The following ADGRF1 variants were observed in gnomAD, a reference collection of about 807,000 sequenced individuals.
ADGRF1 encodes adhesion G protein-coupled receptor F1, also known as G protein-coupled receptor 110.
Under a neutral mutation model 87.2 loss-of-function variants are expected in ADGRF1, and 85 were observed. The observed-to-expected ratio is 0.97, with a 90% CI of 0.82 to 1.17. ADGRF1 has a LOEUF of 1.17. ADGRF1 is among the 50% of genes most tolerant of loss of function. The pLI is 0.00. For missense variants in ADGRF1, 1,169 were observed against 1,077.2 expected (o/e 1.09, Z -1.19); for synonymous variants, 430 against 408.8 (o/e 1.05, Z -0.63).
At chr6:47,032,588 T>G (rs1284697386) in intron 1 of ADGRF1, among the ~76,000 whole-genome samples, 1 of 152,214 alleles carries the variant, frequency 6.6e-6, no homozygotes, top group Non-Finnish European at 1.5e-5. Flanking sequence ...GTTCCCAGCT[T>G]TGACATTTAT....
chr6:47,038,081 G>A (rs1453791053), intron 1 of ADGRF1, among the ~76,000 whole-genome samples: 2 of 152,046 alleles, frequency 1.3e-5, no homozygotes, highest in African/African-American at 2.4e-5. Flanking sequence ...GGTTGGTCTC[G>A]AACTCCTGAC....
rs917821568 is a variant in ADGRF1, at chr6:46,998,180, A to T, written c.*2042T>A. ...CAAAAAAAGAAATCTGTCTTATGAGATAGGGCTGCCTTCACATGGTGTCAG... is the reference window on the plus strand; with the variant it reads ...CAAAAAAAGAAATCTGTCTTATGAGTTAGGGCTGCCTTCACATGGTGTCAG... On this transcript the variant is annotated 3_prime_UTR_variant, in exon 15 of 15. Coordinates refer to ENST00000371253, the MANE Select transcript of ADGRF1 (RefSeq NM_153840.4). 4 of 152,126 alleles carry T rather than the reference A, an allele frequency of 2.6e-5. No homozygotes were observed. Among genetic ancestry groups the T allele is most frequent in the Admixed American group, 2.0e-4 (3 of 15,268 alleles). 9.4% of individuals were successfully genotyped at this position (152,126 alleles called of 1,614,324 possible).
chr6:47,021,167 C>G (rs111777822), intron 6 of ADGRF1, among the ~76,000 whole-genome samples: 10 of 152,282 alleles, frequency 6.6e-5, no homozygotes, highest in African/African-American at 2.2e-4. Flanking sequence ...CCGAATCCAT[C>G]TATTAAGTAT....
intron 9 of ADGRF1, chr6:47,012,995 A>T: frequency 1.2e-6 from 1 of 848,472 alleles, no homozygotes; most frequent in Non-Finnish European, 1.4e-6. Context: ...GCTGGTCTTG[A>T]ACTCTTGACC....
intron 11 of ADGRF1, among the ~76,000 whole-genome samples, chr6:47,007,700 G>A (rs1167168150): frequency 1.3e-5 from 2 of 152,190 alleles, no homozygotes; most frequent in Non-Finnish European, 2.9e-5. Flanking sequence ...CCAAGTGGAG[G>A]GATTTGACCT....
At chr6:47,014,430 C>A in intron 9 of ADGRF1, 1 of 1,222,456 alleles carries the variant, frequency 8.2e-7, no homozygotes, top group Non-Finnish European at 1.0e-6. Flanking sequence ...ATGATACACT[C>A]CTCCACAACA....
At chr6:47,028,857 G>A (rs183846551) in intron 2 of ADGRF1, 136 bp downstream of exon 2, 19 of 708,638 alleles carry the variant, frequency 2.7e-5, no homozygotes, top group African/African-American at 7.0e-5. Flanking sequence ...ATGTTGAAAC[G>A]AGAACTCAGG....
At chr6:47,000,768 A>T (rs1019048236) in intron 14 of ADGRF1, among the ~76,000 whole-genome samples, 1 of 152,232 alleles carries the variant, frequency 6.6e-6, no homozygotes, top group Admixed American at 6.5e-5. Context: ...TGGGAATATA[A>T]AATGAGTTTC....
At chr6:47,016,595 G>C (rs778320681) in intron 8 of ADGRF1, 22 bp downstream of exon 8, 15 of 1,576,314 alleles carry the variant, frequency 9.5e-6, no homozygotes, top group Non-Finnish European at 1.3e-5. Context: ...AACCTAAGCA[G>C]AGGATGGGAA....
intron 7 of ADGRF1, chr6:47,018,247 A>C: frequency 1.9e-6 from 1 of 539,554 alleles, no homozygotes; most frequent in Non-Finnish European, 2.8e-6. Context: ...GAAGACATGA[A>C]AGCACATGAG....
rs758173800 is a variant in ADGRF1 at position 47,029,005 on chromosome 6, A to G, written c.57T>C (p.Gly19=). 4.3e-6 allele frequency: 7 copies of G among 1,614,054 alleles called. No individual in the cohort carries two copies. In the East Asian group the frequency reaches 1.1e-4, roughly 26 times the overall value. Residue 19 remains glycine (G), a synonymous_variant, in exon 2 of 15, where the codon GGT becomes GGC. Coordinates refer to ENST00000371253, the MANE Select transcript of ADGRF1 (RefSeq NM_153840.4). ...ISFFTFTDGH[G]GFLGKNDGIK... ...AGCACCAACTCACCCCCAGGAAGCCACCGTGGCCGTCAGTGAAGGTGAAGA... is the reference window on the plus strand; with the variant it reads ...AGCACCAACTCACCCCCAGGAAGCCGCCGTGGCCGTCAGTGAAGGTGAAGA...
intron 1 of ADGRF1, among the ~76,000 whole-genome samples, chr6:47,030,409 T>C (rs1372072241): frequency 1.3e-5 from 2 of 152,190 alleles, no homozygotes; most frequent in African/African-American, 4.8e-5. Flanking sequence ...GGGCTCTAGA[T>C]TATTCTTCAG....
rs113630744 is a variant in ADGRF1, at chr6:47,026,102, A to G, written c.128-99T>C. On this transcript the variant is annotated intron_variant, in intron 3 of 14. Coordinates refer to ENST00000371253, the MANE Select transcript of ADGRF1 (RefSeq NM_153840.4). ...AACAATCATCAAATTTAGGTCAGGGACTCTACCATGCTGCTTGTTCCTGAG... is the reference window on the plus strand; with the variant it reads ...AACAATCATCAAATTTAGGTCAGGGGCTCTACCATGCTGCTTGTTCCTGAG... 3.5e-4 allele frequency: 363 copies of G among 1,025,854 alleles called. No individual in the cohort carries two copies. The African/African-American group carries it at 4.9e-3, about 14-fold the overall frequency. The allele number at this position is 1,025,854 out of a possible 1,614,324, so 63.5% of individuals were successfully genotyped here.
chr6:47,000,349 T>C (rs1779327509), intron 14 of ADGRF1, 54 bp from the exon 15 acceptor site: 8 of 1,339,642 alleles, frequency 6.0e-6, no homozygotes, highest in Non-Finnish European at 7.4e-6. Context: ...AAATCAAGCA[T>C]GAGACCAAAA....
intron 4 of ADGRF1, among the ~76,000 whole-genome samples, chr6:47,024,658 CCAA>C (rs1435889733): frequency 1.3e-5 from 2 of 152,104 alleles, no homozygotes; most frequent in African/African-American, 4.8e-5. Context: ...GGAATCTGGA[CCAA>C]GGATTTGGTT....
intron 7 of ADGRF1, chr6:47,020,161 C>A: frequency 8.9e-7 from 1 of 1,127,362 alleles, no homozygotes; most frequent in Non-Finnish European, 1.1e-6. Flanking sequence ...TTTTGTAGTT[C>A]TACTCACTGA....
intron 6 of ADGRF1, among the ~76,000 whole-genome samples, chr6:47,021,481 A>G (rs1780049870): frequency 1.3e-5 from 2 of 151,958 alleles, no homozygotes; most frequent in African/African-American, 4.8e-5. Flanking sequence ...GTGCCTCATC[A>G]CCTGAGTATC....
intron 1 of ADGRF1, among the ~76,000 whole-genome samples, chr6:47,039,346 C>T (rs1247102749): frequency 6.6e-6 from 1 of 152,228 alleles, no homozygotes; most frequent in Admixed American, 6.5e-5. Flanking sequence ...CAACTGACTA[C>T]ACATAGGAAA....
rs980554621 is a variant in ADGRF1, at chr6:47,001,872, T to G, written c.2593-305A>C. 44 of 216,724 alleles carry G rather than the reference T, an allele frequency of 2.0e-4. No individual in the cohort carries two copies. The South Asian group carries it at 3.0e-3, about 15-fold the overall frequency. The allele number at this position is 216,724 out of a possible 1,614,324, so 13.4% of individuals were successfully genotyped here. A position where few individuals can be genotyped will look rare whatever the true frequency, so the allele number is the denominator to read the frequency against. On this transcript the variant is annotated intron_variant, in intron 13 of 14. Coordinates refer to ENST00000371253, the MANE Select transcript of ADGRF1 (RefSeq NM_153840.4). Reference sequence around the variant, plus strand: ...TTTTCATGTCTATGCTTACATTTCTTTGGATCACATTTGTTACTGGAAGAG... The same window carrying G: ...TTTTCATGTCTATGCTTACATTTCTGTGGATCACATTTGTTACTGGAAGAG...
Sources: gnomAD v4.1 joint callset for allele counts (sites outside exome capture counted in the v4.1 genomes callset) on GRCh38, gnomAD v4.1.1 for gene constraint, MANE v1.5 for transcripts, NCBI Gene and HGNC (gene_info 2026-07-23, HGNC 2026-07-21) for gene names.